The following MAPKAP1 variants were observed in gnomAD, a reference collection of about 807,000 sequenced individuals.
MAPKAP1 encodes the protein MAPK associated protein 1.
MAPKAP1 carries 20 observed loss-of-function variants against 65.7 expected under a neutral mutation model. That is an observed-to-expected ratio of 0.30 (90% CI 0.21 to 0.44). MAPKAP1 has a LOEUF of 0.44. MAPKAP1 is among the 20% of genes least tolerant of loss of function. The pLI is 1.00. For missense variants in MAPKAP1, 423 were observed against 648.0 expected, an observed-to-expected ratio of 0.65 and a Z score of 3.77; for synonymous variants, 222 against 244.3, an observed-to-expected ratio of 0.91 and a Z score of 0.85.
chr9:125,445,333 A>T (rs1163771105), intron 10 of MAPKAP1, among the ~76,000 whole-genome samples: 1 of 152,214 alleles, frequency 6.6e-6, no homozygotes, highest in Admixed American at 6.5e-5. Context: ...CCGACAGGCC[A>T]CAGGCTGCCA....
At position 125,470,346 on chromosome 9, in the gene MAPKAP1, T is replaced by C. The variant is rs954943455; in HGVS notation, c.1208-2237A>G. ...GAGTTTGGTTCTGGGCTCCCATGTA[T>C]ATTAGTGCTACAAATCTGGGTCCAT... On this transcript the variant is annotated intron_variant, in intron 9 of 11. Coordinates refer to ENST00000265960, the MANE Select transcript of MAPKAP1 (RefSeq NM_001006617.3). Among the ~76,000 whole-genome samples the C allele has an allele frequency of 3.3e-5, 5 of 152,210 alleles. No individual in the cohort carries two copies. The East Asian group carries it at 9.6e-4, about 29-fold the overall frequency.
At chr9:125,563,469 G>A (rs1272328359) in intron 5 of MAPKAP1, among the ~76,000 whole-genome samples, 1 of 152,134 alleles carries the variant, frequency 6.6e-6, no homozygotes, top group Non-Finnish European at 1.5e-5. Flanking sequence ...CGAAATTCAA[G>A]CAATTCTCCT....
intron 1 of MAPKAP1, among the ~76,000 whole-genome samples, chr9:125,678,948 C>A (rs1223795474): frequency 6.6e-6 from 1 of 152,088 alleles, no homozygotes; most frequent in African/African-American, 2.4e-5. Context: ...ACTCCCTACA[C>A]CACAGAGCCT....
rs2131658774 is a variant in MAPKAP1 at position 125,622,413 on chromosome 9, A to T, written c.498+35238T>A. The stretch of plus-strand genomic sequence containing the variant: ...CAAAATATCACTATGTACCCCCATA[A>T]ATATGTACAATTATTATTCTTTTAT... On this transcript the variant is annotated intron_variant, in intron 4 of 11. Coordinates refer to ENST00000265960, the MANE Select transcript of MAPKAP1 (RefSeq NM_001006617.3). Among the ~76,000 whole-genome samples the T allele has an allele frequency of 1.3e-5, 2 of 152,210 alleles. 1 individual carries two copies. Among genetic ancestry groups the T allele is most frequent in the South Asian group, 4.1e-4 (2 of 4,820 alleles).
intron 5 of MAPKAP1, among the ~76,000 whole-genome samples, chr9:125,577,547 C>T (rs1195667850): frequency 1.3e-4 from 18 of 133,724 alleles, no homozygotes; most frequent in African/African-American, 3.4e-4. Flanking sequence ...CCGGCCGCCC[C>T]GTCCAGGAGG....
At chr9:125,701,328 G>A (rs1438452223) in intron 1 of MAPKAP1, among the ~76,000 whole-genome samples, 1 of 152,186 alleles carries the variant, frequency 6.6e-6, no homozygotes, top group East Asian at 1.9e-4. Context: ...GTATACTCAA[G>A]TATAGGATAT....
intron 4 of MAPKAP1, among the ~76,000 whole-genome samples, chr9:125,651,833 G>T (rs1339592073): frequency 6.6e-6 from 1 of 152,142 alleles, no homozygotes; most frequent in Non-Finnish European, 1.5e-5. Context: ...GTTGAGTAGG[G>T]GTTGGGGGTA....
chr9:125,608,770 G>A (rs1018175134), intron 4 of MAPKAP1, among the ~76,000 whole-genome samples: 6 of 152,094 alleles, frequency 3.9e-5, no homozygotes, highest in African/African-American at 1.4e-4. Flanking sequence ...TAACCTTCCA[G>A]TAAACCGCTA....
rs980355478 is a variant in MAPKAP1 at position 125,437,706 on chromosome 9, A to C, written c.*1181T>G. 1 of 152,442 alleles carries C rather than the reference A, an allele frequency of 6.6e-6. No individual in the cohort carries two copies. Among genetic ancestry groups the C allele is most frequent in the African/African-American group, 2.4e-5 (1 of 41,462 alleles). 9.4% of individuals were successfully genotyped at this position (152,442 alleles called of 1,614,324 possible). ...GTTTTAGACACATCTCTTCCTGTAC[A>C]ACAATTTAAAAAATGTTTCTAATGC... On this transcript the variant is annotated 3_prime_UTR_variant, in exon 12 of 12. Coordinates refer to ENST00000265960, the MANE Select transcript of MAPKAP1 (RefSeq NM_001006617.3).
chr9:125,537,412 C>A, intron 7 of MAPKAP1, among the ~76,000 whole-genome samples: 1 of 152,192 alleles, frequency 6.6e-6, no homozygotes, highest in East Asian at 1.9e-4. Flanking sequence ...CATTCATTAG[C>A]TCCCATGTCG....
intron 7 of MAPKAP1, among the ~76,000 whole-genome samples, chr9:125,535,668 A>T (rs1442368887): frequency 1.3e-5 from 2 of 152,194 alleles, no homozygotes; most frequent in Non-Finnish European, 2.9e-5. Flanking sequence ...CACTTTCCAG[A>T]ATTTCTTAAT....
chr9:125,672,214 C>G, intron 2 of MAPKAP1, 102 bp downstream of exon 2: 1 of 1,328,984 alleles, frequency 7.5e-7, no homozygotes. Flanking sequence ...TATTAATACC[C>G]GGAAACATCC....
intron 7 of MAPKAP1, among the ~76,000 whole-genome samples, chr9:125,529,177 GAAAAAAA>G (rs764136309): frequency 4.0e-5 from 4 of 99,766 alleles, no homozygotes; most frequent in Admixed American, 2.1e-4. Context: ...TCTATCTCAG[GAAAAAAA>G]AAAAAAAAAA....
At chr9:125,610,737 G>A (rs767139580) in intron 4 of MAPKAP1, among the ~76,000 whole-genome samples, 23 of 152,086 alleles carry the variant, frequency 1.5e-4, no homozygotes, top group Non-Finnish European at 3.2e-4. Flanking sequence ...TCCCAAATTC[G>A]TATTATTTGA....
At chr9:125,625,244 AAATAAAT>A (rs1833071617) in intron 4 of MAPKAP1, among the ~76,000 whole-genome samples, 1 of 44,242 alleles carries the variant, frequency 2.3e-5, no homozygotes, top group Non-Finnish European at 6.2e-5. Flanking sequence ...AATAAAAAAA[AAATAAAT>A]AAATAAAAAA....
chr9:125,562,183 T>C (rs773210316), intron 5 of MAPKAP1, among the ~76,000 whole-genome samples: 4 of 152,376 alleles, frequency 2.6e-5, no homozygotes, highest in Non-Finnish European at 5.9e-5. Context: ...AGAAGAATTC[T>C]GCTTTGATTG....
At chr9:125,661,452 A>G (rs908288799) in intron 3 of MAPKAP1, among the ~76,000 whole-genome samples, 12 of 152,244 alleles carry the variant, frequency 7.9e-5, no homozygotes, top group Non-Finnish European at 1.5e-4. Context: ...GCACTGGTAC[A>G]TGCGTATCAC....
At chr9:125,449,914 A>T (rs1458626100) in intron 10 of MAPKAP1, among the ~76,000 whole-genome samples, 1 of 151,492 alleles carries the variant, frequency 6.6e-6, no homozygotes, top group Non-Finnish European at 1.5e-5. Flanking sequence ...TCTTTTTTTG[A>T]TTTTCAATTT....
intron 4 of MAPKAP1, among the ~76,000 whole-genome samples, chr9:125,588,288 A>C (rs1319171891): frequency 6.6e-6 from 1 of 152,210 alleles, no homozygotes; most frequent in Non-Finnish European, 1.5e-5. Context: ...ATGCTAAGAG[A>C]AGGAAACCAG....
Sources: allele counts gnomAD v4.1 joint callset (sites outside exome capture counted in the v4.1 genomes callset), GRCh38; gene constraint gnomAD v4.1.1; transcripts MANE v1.5; gene names NCBI Gene and HGNC (gene_info 2026-07-23, HGNC 2026-07-21).